Variants in PHF3 observed in about 807,000 individuals in gnomAD.
PHF3 encodes the protein PHD finger protein 3.
PHF3 carries 41 observed loss-of-function variants against 178.4 expected under a neutral mutation model. The observed-to-expected ratio is 0.23, with a 90% CI of 0.18 to 0.30. The LOEUF is 0.30. PHF3 is among the 10% of genes least tolerant of loss of function. The probability of loss-of-function intolerance (pLI) is 1.00; values close to 1 mark genes in which losing one functional copy is unlikely to be tolerated. For synonymous variants in PHF3, 842 were observed against 800.5 expected (o/e 1.05, Z -0.88); for missense variants, 2,346 against 2,398.1 (o/e 0.98, Z 0.45).
intron 4 of PHF3, among the ~76,000 whole-genome samples, chr6:63,690,627 CAA>C (rs1766955263): frequency 6.6e-6 from 1 of 152,066 alleles, no homozygotes; most frequent in Admixed American, 6.5e-5. Flanking sequence ...CCACTATTAT[CAA>C]AATCAGTAGC....
chr6:63,698,352 A>G lies in PHF3; in HGVS notation c.2810A>G (p.Asp937Gly). Residue 937 changes from aspartate (D) to glycine (G), a missense_variant, in exon 7 of 16, where the codon GAC (aspartate) becomes GGC (glycine). Asp to Gly is a moderately conservative substitution (Grantham distance 94, BLOSUM62 -1). Around this residue, in one of 8 missense-constraint regions of PHF3, gnomAD observed 252 missense variants for 232.0 expected, o/e 1.09. Coordinates refer to ENST00000262043, the MANE Select transcript of PHF3 (RefSeq NM_001370348.2). ...CAAAGTGTCAGACATTCTCTCAAAG[A>G]CATTCTTATGAAGAGGTAACATATA... Reference protein sequence around the residue: ...IRQSVRHSLKDILMKRLTDSN... With the variant: ...IRQSVRHSLKGILMKRLTDSN... 6.2e-7 allele frequency: 1 copy of G among 1,610,274 alleles called. No individual in the cohort carries two copies. The highest frequency in any genetic ancestry group is 2.2e-5 in the East Asian group (1 of 44,764).
At chr6:63,684,022 C>G (rs1174449607) in intron 3 of PHF3, 107 bp from the exon 4 acceptor site, 5 of 858,046 alleles carry the variant, frequency 5.8e-6, no homozygotes, top group Admixed American at 5.7e-5. Context: ...TTTTGTTGAG[C>G]AAATTATAGC....
At chr6:63,662,134 G>C (rs1765494184) in intron 2 of PHF3, among the ~76,000 whole-genome samples, 1 of 152,074 alleles carries the variant, frequency 6.6e-6, no homozygotes, top group South Asian at 2.1e-4. Flanking sequence ...ATGATCTGAG[G>C]TGGAACAATT....
In PHF3 at chr6:63,705,131, T is replaced by G. The variant is rs191138355; in HGVS notation, c.3368-898T>G. On this transcript the variant is annotated intron_variant, in intron 11 of 15. Coordinates refer to ENST00000262043, the MANE Select transcript of PHF3 (RefSeq NM_001370348.2). ...GAGCTGTTGCTATATAATCCAAACC[T>G]GGATACAGATAATACAGATTTGTCT... 2.0e-5 allele frequency among the ~76,000 whole-genome samples: 3 copies of G among 152,362 alleles called. No homozygotes were observed. The East Asian group carries it at 5.8e-4, about 29-fold the overall frequency.
rs77193327 is a variant in PHF3, at chr6:63,709,128, CTTTTT to C, written c.3712-13_3712-9del. ...AAAGATAATCTATATATATTGATCT[CTTTTT>C]TTTTTTTTTAACCATAGGACCTACC... On this transcript the variant is annotated intron_variant, in intron 13 of 15. Transcript: ENST00000262043. 8.4e-5 allele frequency: 93 copies of C among 1,103,040 alleles called. No individual in the cohort carries two copies. The highest frequency in any genetic ancestry group is 1.1e-4 in the Non-Finnish European group (83 of 768,734). The allele number at this position is 1,103,040 out of a possible 1,614,324, so 68.3% of individuals were successfully genotyped here. A position where few individuals can be genotyped will look rare whatever the true frequency, so the allele number is the denominator to read the frequency against.
At chr6:63,652,959 T>C (rs967869767) in intron 2 of PHF3, among the ~76,000 whole-genome samples, 2 of 151,880 alleles carry the variant, frequency 1.3e-5, no homozygotes, top group African/African-American at 4.8e-5. Context: ...TGAAGTCCAG[T>C]AGTGTGATAA....
At chr6:63,676,563 C>G (rs531851267) in intron 2 of PHF3, among the ~76,000 whole-genome samples, 1 of 152,078 alleles carries the variant, frequency 6.6e-6, no homozygotes, top group Non-Finnish European at 1.5e-5. Flanking sequence ...TTATGCTTCC[C>G]TATGTTCAGG....
rs1001111125 is a variant in PHF3, at chr6:63,715,609, A to G, written c.*1901A>G. On this transcript the variant is annotated 3_prime_UTR_variant, in exon 16 of 16. Transcript: ENST00000262043. Reference sequence around the variant, plus strand: ...CACCTCTTCGCTAATAGTTTTTTCTACATATCTAAAATTCTTTAATCAGTT... The same window carrying G: ...CACCTCTTCGCTAATAGTTTTTTCTGCATATCTAAAATTCTTTAATCAGTT... The G allele has an allele frequency of 6.6e-5, 10 of 152,134 alleles. No individual in the cohort carries two copies. Among genetic ancestry groups the G allele is most frequent in the Non-Finnish European group, 1.2e-4 (8 of 68,016 alleles). The allele number at this position is 152,134 out of a possible 1,614,324, so 9.4% of individuals were successfully genotyped here. A position where few individuals can be genotyped will look rare whatever the true frequency, so the allele number is the denominator to read the frequency against.
intron 2 of PHF3, among the ~76,000 whole-genome samples, chr6:63,661,523 T>C (rs1369057468): frequency 6.6e-6 from 1 of 152,140 alleles, no homozygotes; most frequent in African/African-American, 2.4e-5. Flanking sequence ...CAGTGTGATA[T>C]AAAAAAATCT....
At chr6:63,697,349 T>C (rs1767276424) in intron 6 of PHF3, among the ~76,000 whole-genome samples, 1 of 152,064 alleles carries the variant, frequency 6.6e-6, no homozygotes, top group African/African-American at 2.4e-5. Flanking sequence ...GAAGGAGGTA[T>C]TGTTGGTTTG....
In PHF3 at chr6:63,703,529, A is replaced by C. The variant is rs753703309; in HGVS notation, c.3232-7A>C. ...CTAAAACTAATTTTTACTTTGACTT[A>C]CGTTAGGAACCAGCCGCCAATAAGT... On this transcript the variant is annotated splice_region_variant and splice_polypyrimidine_tract_variant and intron_variant, in intron 10 of 15. Coordinates refer to ENST00000262043, the MANE Select transcript of PHF3 (RefSeq NM_001370348.2). The C allele has an allele frequency of 7.5e-6, 12 of 1,598,880 alleles. No individual in the cohort carries two copies. The highest frequency in any genetic ancestry group is 1.4e-5 in the African/African-American group (1 of 73,986).
intron 8 of PHF3, among the ~76,000 whole-genome samples, chr6:63,699,198 G>T: frequency 6.6e-6 from 1 of 152,118 alleles, no homozygotes; most frequent in East Asian, 1.9e-4. Flanking sequence ...GCGTGTATGT[G>T]TCAGTGTTAG....
intron 2 of PHF3, among the ~76,000 whole-genome samples, chr6:63,651,546 G>C (rs1765020114): frequency 6.6e-6 from 1 of 152,102 alleles, no homozygotes; most frequent in African/African-American, 2.4e-5. Context: ...ATTTTTGGTA[G>C]AGACAGGGTT....
chr6:63,636,419 G>A (rs1764338978), intron 1 of PHF3: 1 of 152,528 alleles, frequency 6.6e-6, no homozygotes, highest in African/African-American at 2.4e-5. Flanking sequence ...GGAGGGTCGG[G>A]ACCACGGCCT....
At chr6:63,706,259 T>C (rs565931591) in intron 12 of PHF3, 35 bp downstream of exon 12, 99 of 1,486,894 alleles carry the variant, frequency 6.7e-5, no homozygotes, top group Non-Finnish European at 8.6e-5. Context: ...GTAATACTCA[T>C]TATAGATCTT....
At chr6:63,646,472 GTGA>G in intron 1 of PHF3, 52 bp from the exon 2 acceptor site, 1 of 1,269,854 alleles carries the variant, frequency 7.9e-7, no homozygotes, top group Non-Finnish European at 1.1e-6. Flanking sequence ...TTGGTATTAG[GTGA>G]TTTTCAATTG....
At chr6:63,705,690 T>C (rs1767660094) in intron 11 of PHF3, among the ~76,000 whole-genome samples, 2 of 152,202 alleles carry the variant, frequency 1.3e-5, no homozygotes, top group Non-Finnish European at 2.9e-5. Flanking sequence ...TCATGATATG[T>C]TTTACATGTA....
intron 2 of PHF3, among the ~76,000 whole-genome samples, chr6:63,673,150 C>G (rs1005339556): frequency 6.6e-6 from 1 of 151,634 alleles, no homozygotes; most frequent in Non-Finnish European, 1.5e-5. Flanking sequence ...CTTGTATTAC[C>G]AAATGTGCAG....
chr6:63,639,304 A>C (rs1445162427), intron 1 of PHF3, among the ~76,000 whole-genome samples: 3 of 152,126 alleles, frequency 2.0e-5, no homozygotes, highest in Non-Finnish European at 4.4e-5. Context: ...TTAACATTTT[A>C]ATTCGTTTGT....
Sources: gnomAD v4.1 joint callset for allele counts (sites outside exome capture counted in the v4.1 genomes callset) on GRCh38, gnomAD v4.1.1 for gene constraint, gnomAD v4.1.1 regional missense constraint, MANE v1.5 for transcripts, NCBI Gene and HGNC (gene_info 2026-07-23, HGNC 2026-07-21) for gene names.